Variants in MROH7 observed in about 807,000 individuals in gnomAD.
The protein encoded by MROH7 is maestro heat-like repeat-containing protein family member 7.
A neutral mutation model predicts 129.2 loss-of-function variants in MROH7; 113 were observed. The ratio of observed to expected loss-of-function variants is 0.87; its 90% CI spans 0.75 to 1.02. MROH7 has a LOEUF of 1.02. Ranked by LOEUF, MROH7 falls within the 50% of genes least tolerant of loss-of-function variation. The pLI is 0.00. For missense variants in MROH7, 1,601 were observed against 1,671.3 expected (o/e 0.96, Z 0.73); for synonymous variants, 655 against 667.9 (o/e 0.98, Z 0.30).
intron 3 of MROH7, among the ~76,000 whole-genome samples, chr1:54,654,909 T>C (rs1388209740): frequency 1.3e-5 from 2 of 152,180 alleles, no homozygotes; most frequent in African/African-American, 4.8e-5. Flanking sequence ...GCTGTAAATA[T>C]CTTTTCTTAA....
At position 54,679,169 on chromosome 1, in the gene MROH7, C is replaced by T. The variant is rs546278150; in HGVS notation, c.2050-94C>T. The T allele has an allele frequency of 7.0e-5, 87 of 1,248,410 alleles. 1 individual carries two copies. Among genetic ancestry groups the T allele is most frequent in the South Asian group, 5.5e-4 (45 of 82,564 alleles). The allele number at this position is 1,248,410 out of a possible 1,614,324, so 77.3% of individuals were successfully genotyped here. A position where few individuals can be genotyped will look rare whatever the true frequency, so the allele number is the denominator to read the frequency against. ...CTCCCTGCTGACCTCTGCATGTGGG[C>T]GTCAGGCAGTGTTTGTGCCTCTGTG... is the stretch of plus-strand genomic sequence containing the variant. On this transcript the variant is annotated intron_variant, in intron 11 of 23. Coordinates refer to ENST00000421030, the MANE Select transcript of MROH7 (RefSeq NM_001039464.4).
At chr1:54,645,943 C>T (rs553057897) in intron 1 of MROH7, among the ~76,000 whole-genome samples, 18 of 152,278 alleles carry the variant, frequency 1.2e-4, no homozygotes, top group Middle Eastern at 3.4e-3. Flanking sequence ...TGAGCCACCG[C>T]GTGCAGCCAA....
At chr1:54,656,684 T>C (rs1380593691) in intron 3 of MROH7, among the ~76,000 whole-genome samples, 1 of 151,930 alleles carries the variant, frequency 6.6e-6, no homozygotes. Context: ...TTAGCTGATG[T>C]GGTGGCCGGG....
Position 54,706,924 on chromosome 1 carries a change from G to A in MROH7, c.3667+387G>A, listed in dbSNP as rs987854657. On this transcript the variant is annotated intron_variant, in intron 22 of 23. Transcript: ENST00000421030. ...AGTCAAGTAGAATCTCAGTTCCATG[G>A]TTCCCTTCCTGTGTCACCCTAACTG... 2.0e-5 allele frequency among the ~76,000 whole-genome samples: 3 copies of A among 152,110 alleles called. No individual in the cohort carries two copies. In the East Asian group the frequency reaches 5.8e-4, roughly 29 times the overall value.
rs1407545543 is a variant in MROH7, at chr1:54,682,763, A to G, written c.2489A>G (p.Lys830Arg). ...LGSLKEKPVTKEGRASIVPLA... is the reference protein window; with the variant it reads ...LGSLKEKPVTREGRASIVPLA... ...AGCCTGAAGGAGAAGCCCGTCACCA[A>G]GGAGGGCCGGGCTTCCATCGTGCCC... Residue 830 changes from lysine to arginine, a missense_variant, in exon 14 of 24, where the codon AAG becomes AGG. Lys to Arg is a conservative substitution (Grantham distance 26). Coordinates refer to ENST00000421030, the MANE Select transcript of MROH7 (RefSeq NM_001039464.4). The G allele has an allele frequency of 7.4e-6, 12 of 1,613,608 alleles. No homozygotes were observed. Among genetic ancestry groups the G allele is most frequent in the Non-Finnish European group, 1.0e-5 (12 of 1,180,006 alleles).
intron 1 of MROH7, among the ~76,000 whole-genome samples, chr1:54,650,417 A>G (rs1458631802): frequency 6.6e-6 from 1 of 152,224 alleles, no homozygotes; most frequent in Non-Finnish European, 1.5e-5. Context: ...TGAATGATAA[A>G]TGAAGAAGTG....
rs1644602897 is a variant in MROH7, at chr1:54,654,061, G to C, written c.1135G>C (p.Glu379Gln). ...GGAGGAGAATCTGGAGAGTTGGAGT[G>C]AGATGGCCAGCATTAAGGTGGGCCA... ...PLEENLESWS[E>Q]MASIKVGQFP... Residue 379 changes from glutamate (E) to glutamine (Q), a missense_variant, in exon 3 of 24, where the codon GAG becomes CAG. Coordinates refer to ENST00000421030, the MANE Select transcript of MROH7 (RefSeq NM_001039464.4). 1.2e-6 allele frequency: 2 copies of C among 1,614,060 alleles called. No individual in the cohort carries two copies. Among genetic ancestry groups the C allele is most frequent in the African/African-American group, 2.7e-5 (2 of 74,930 alleles).
intron 10 of MROH7, among the ~76,000 whole-genome samples, chr1:54,676,333 G>A (rs1158770289): frequency 6.6e-6 from 1 of 152,116 alleles, no homozygotes; most frequent in Non-Finnish European, 1.5e-5. Context: ...AACCTCCCGG[G>A]CTCAGGTGAT....
chr1:54,670,731 C>T (rs1464713957), intron 6 of MROH7, 69 bp from the exon 7 acceptor site: 2 of 1,583,710 alleles, frequency 1.3e-6, no homozygotes, highest in Non-Finnish European at 1.7e-6. Context: ...TGCTCCTCAG[C>T]TCAGCCCCCG....
chr1:54,692,484 G>C lies in MROH7; in HGVS notation c.2772G>C (p.Thr924=). The C allele has an allele frequency of 6.2e-7, 1 of 1,613,774 alleles. No individual in the cohort carries two copies. The highest frequency in any genetic ancestry group is 8.5e-7 in the Non-Finnish European group (1 of 1,179,846). Residue 924 remains threonine, a synonymous_variant, in exon 16 of 24, where the codon ACG becomes ACC. Coordinates refer to ENST00000421030, the MANE Select transcript of MROH7 (RefSeq NM_001039464.4). ...LLRMGCSYET[T]FLEDQGGWEL... Reference sequence around the variant, plus strand: ...GGATGGGCTGCTCTTATGAGACCACGTTTCTGGAGGACCAGGGTGGCTGGG... The same window carrying C: ...GGATGGGCTGCTCTTATGAGACCACCTTTCTGGAGGACCAGGGTGGCTGGG...
At chr1:54,665,098 A>AG (rs1644790552) in intron 3 of MROH7, 69 bp from the exon 4 acceptor site, 1 of 1,206,088 alleles carries the variant, frequency 8.3e-7, no homozygotes, top group South Asian at 1.3e-5. Context: ...GGGAGGAGAG[A>AG]GATGGCATGA....
intron 13 of MROH7, among the ~76,000 whole-genome samples, chr1:54,680,549 CG>C (rs1645053724): frequency 6.6e-6 from 1 of 152,166 alleles, no homozygotes; most frequent in Non-Finnish European, 1.5e-5. Context: ...ATGCAGCCAG[CG>C]GTGCTGAGTG....
chr1:54,708,564 A>G (rs1645573376), intron 22 of MROH7, among the ~76,000 whole-genome samples: 1 of 152,216 alleles, frequency 6.6e-6, no homozygotes, highest in Non-Finnish European at 1.5e-5. Flanking sequence ...GAGTCATCAG[A>G]AACATATCCT....
chr1:54,670,991 A>C, intron 7 of MROH7, 62 bp downstream of exon 7: 1 of 1,512,356 alleles, frequency 6.6e-7, no homozygotes, highest in South Asian at 1.3e-5. Flanking sequence ...GGAGATATGG[A>C]GCTGCATCCT....
chr1:54,648,724 G>C lies in MROH7; in HGVS notation c.-109-3225G>C, dbSNP rs186329243. Among the ~76,000 whole-genome samples, 176 of 151,998 alleles carry C rather than the reference G, an allele frequency of 1.2e-3. No individual in the cohort carries two copies. The East Asian group carries it at 0.019, about 17-fold the overall frequency. On this transcript the variant is annotated intron_variant, in intron 1 of 23. Transcript: ENST00000421030. ...TACTTTGGAAAATGGTTTGTTGGAA[G>C]CTGGTCTAGATAAAGGGACCCCTGT...
intron 8 of MROH7, among the ~76,000 whole-genome samples, chr1:54,673,453 GTC>G (rs1644933196): frequency 6.6e-6 from 1 of 151,930 alleles, no homozygotes; most frequent in East Asian, 1.9e-4. Context: ...TTGTCCCTGC[GTC>G]TCTCTTCTGT....
At chr1:54,697,631 G>C (rs971762334) in intron 17 of MROH7, 2 of 701,754 alleles carry the variant, frequency 2.8e-6, no homozygotes, top group Non-Finnish European at 2.6e-6. Context: ...TCTTTCAAAT[G>C]TTATTTCACT....
chr1:54,663,262 T>C (rs2101088962), intron 3 of MROH7, among the ~76,000 whole-genome samples: 1 of 152,300 alleles, frequency 6.6e-6, no homozygotes. Flanking sequence ...TATAATCCGT[T>C]TTTTTCACAA....
chr1:54,663,533 C>T (rs1196255650), intron 3 of MROH7, among the ~76,000 whole-genome samples: 1 of 152,024 alleles, frequency 6.6e-6, no homozygotes, highest in East Asian at 1.9e-4. Context: ...CCACCATTGC[C>T]CAGCTAATTT....
Sources: allele counts gnomAD v4.1 joint callset (sites outside exome capture counted in the v4.1 genomes callset), GRCh38; gene constraint gnomAD v4.1.1; transcripts MANE v1.5; gene names NCBI Gene and HGNC (gene_info 2026-07-23, HGNC 2026-07-21).